The following GRIK3 variants were observed in gnomAD, a reference collection of about 807,000 sequenced individuals.
GRIK3 encodes glutamate ionotropic receptor kainate type subunit 3, also known as glutamate receptor ionotropic, kainate 3.
In GRIK3, 29 loss-of-function variants were observed where a neutral mutation model predicts 102.5. That is an observed-to-expected ratio of 0.28 (90% confidence interval 0.21 to 0.39). The LOEUF is 0.39. Among genes scored for constraint, GRIK3 ranks in the 10% least tolerant of loss-of-function variants. GRIK3 has a pLI of 1.00. For synonymous variants in GRIK3, 511 were observed against 504.9 expected, an observed-to-expected ratio of 1.01 and a Z score of -0.16; for missense variants, 908 against 1,252.4, an observed-to-expected ratio of 0.73 and a Z score of 4.15.
chr1:37,004,684 G>T (rs961763542), intron 1 of GRIK3, among the ~76,000 whole-genome samples: 1 of 152,240 alleles, frequency 6.6e-6, no homozygotes, highest in African/African-American at 2.4e-5. Flanking sequence ...GTTTGCGTAT[G>T]TGTGTCCTCA....
chr1:36,842,798 A>T (rs1007809487), intron 9 of GRIK3, among the ~76,000 whole-genome samples: 1 of 152,174 alleles, frequency 6.6e-6, no homozygotes, highest in East Asian at 1.9e-4. Flanking sequence ...GCAGAAAGTG[A>T]AGTTCATGAG....
intron 1 of GRIK3, among the ~76,000 whole-genome samples, chr1:36,903,371 A>G (rs1311249198): frequency 6.6e-6 from 1 of 152,258 alleles, no homozygotes; most frequent in African/African-American, 2.4e-5. Context: ...ACTGCTGGTG[A>G]GAATGCAAAA....
chr1:36,854,168 A>T (rs1570761429), intron 7 of GRIK3, among the ~76,000 whole-genome samples: 1 of 151,856 alleles, frequency 6.6e-6, no homozygotes, highest in Non-Finnish European at 1.5e-5. Context: ...GACCGAAATC[A>T]CCCCCCAACC....
intron 1 of GRIK3, among the ~76,000 whole-genome samples, chr1:36,900,039 A>G (rs764041204): frequency 8.5e-5 from 13 of 152,360 alleles, no homozygotes; most frequent in Non-Finnish European, 1.9e-4. Context: ...CAACAGCCTC[A>G]GTGAATCAGA....
At chr1:36,994,999 G>A (rs1447649896) in intron 1 of GRIK3, among the ~76,000 whole-genome samples, 2 of 152,096 alleles carry the variant, frequency 1.3e-5, no homozygotes, top group African/African-American at 2.4e-5. Context: ...CACATGAGAC[G>A]GACAGACGCT....
At position 37,012,016 on chromosome 1, in the gene GRIK3, G is replaced by T. The variant is rs1218202485; in HGVS notation, c.115+21978C>A. 2.6e-5 allele frequency among the ~76,000 whole-genome samples: 4 copies of T among 152,188 alleles called. No individual in the cohort carries two copies. In the East Asian group the frequency reaches 7.7e-4, roughly 29 times the overall value. On this transcript the variant is annotated intron_variant, in intron 1 of 15. Transcript: ENST00000373091. The stretch of plus-strand genomic sequence containing the variant: ...AATAATCTCTGTCTATGGCCCCAGA[G>T]ATCTCCAAGTCCTGTCTGGGCAGGT...
intron 1 of GRIK3, among the ~76,000 whole-genome samples, chr1:36,908,898 G>C (rs1641314914): frequency 6.6e-6 from 1 of 152,070 alleles, no homozygotes; most frequent in East Asian, 1.9e-4. Flanking sequence ...AAAACCTTGT[G>C]TGGAAGCCCA....
intron 1 of GRIK3, among the ~76,000 whole-genome samples, chr1:36,913,874 C>T (rs1641372574): frequency 6.6e-6 from 1 of 152,222 alleles, no homozygotes; most frequent in Non-Finnish European, 1.5e-5. Context: ...CTACCTTCCT[C>T]TCCCAAATCC....
At position 36,795,969 on chromosome 1, in the gene GRIK3, G is replaced by C. The variant is rs1410686936; in HGVS notation, c.*5882C>G. The C allele has an allele frequency of 6.6e-6, 1 of 152,372 alleles. No individual in the cohort carries two copies. The highest frequency in any genetic ancestry group is 1.9e-4 in the East Asian group (1 of 5,184). The allele number at this position is 152,372 out of a possible 1,614,324, so 9.4% of individuals were successfully genotyped here. On this transcript the variant is annotated 3_prime_UTR_variant, in exon 16 of 16. Transcript: ENST00000373091. The stretch of plus-strand genomic sequence containing the variant: ...AGTCGGCCCAGGCAGAGGTGGGCTG[G>C]GGGCTTGGCGCACAGTGGTAAGAGG...
chr1:36,877,921 C>T (rs1236557761), intron 3 of GRIK3, among the ~76,000 whole-genome samples: 1 of 152,210 alleles, frequency 6.6e-6, no homozygotes, highest in African/African-American at 2.4e-5. Context: ...TATGTGTGAC[C>T]TCTGGGCAGG....
At chr1:36,874,260 G>A (rs971908862) in intron 3 of GRIK3, among the ~76,000 whole-genome samples, 13 of 152,194 alleles carry the variant, frequency 8.5e-5, no homozygotes, top group Admixed American at 8.5e-4. Context: ...CTGAGGGCTG[G>A]ACATCAGGAA....
intron 1 of GRIK3, among the ~76,000 whole-genome samples, chr1:36,944,162 C>T (rs1641757426): frequency 6.6e-6 from 1 of 152,160 alleles, no homozygotes; most frequent in Non-Finnish European, 1.5e-5. Flanking sequence ...TCTTATAAAT[C>T]CTATTCCCCA....
intron 5 of GRIK3, among the ~76,000 whole-genome samples, chr1:36,866,841 A>G (rs932288628): frequency 1.3e-5 from 2 of 152,246 alleles, no homozygotes; most frequent in East Asian, 3.8e-4. Context: ...GCAGTCATCC[A>G]TCCGTCCATC....
At chr1:36,841,671 G>T in intron 10 of GRIK3, 65 bp downstream of exon 10, 1 of 1,366,014 alleles carries the variant, frequency 7.3e-7, no homozygotes, top group Non-Finnish European at 1.0e-6. Flanking sequence ...GCCCTGTGGT[G>T]CAGACAGTTC....
intron 1 of GRIK3, among the ~76,000 whole-genome samples, chr1:36,949,874 T>C (rs1641825974): frequency 1.3e-5 from 2 of 152,108 alleles, no homozygotes; most frequent in Admixed American, 6.5e-5. Context: ...CCACCACGCC[T>C]GGCCCTAATT....
At chr1:37,026,467 A>G (rs1642765071) in intron 1 of GRIK3, among the ~76,000 whole-genome samples, 1 of 152,246 alleles carries the variant, frequency 6.6e-6, no homozygotes. Context: ...AGACAGCCTC[A>G]GAGCTCAGAG....
At chr1:37,030,888 G>A (rs549456595) in intron 1 of GRIK3, among the ~76,000 whole-genome samples, 6 of 152,146 alleles carry the variant, frequency 3.9e-5, no homozygotes, top group Non-Finnish European at 8.8e-5. Flanking sequence ...TGAGGCCTGG[G>A]GTGCCAGGGA....
intron 4 of GRIK3, among the ~76,000 whole-genome samples, chr1:36,870,863 C>T (rs1271165253): frequency 2.8e-5 from 4 of 141,164 alleles, no homozygotes; most frequent in Admixed American, 7.8e-5. Flanking sequence ...GGGCAACTGC[C>T]GAGTAAACCA....
chr1:36,991,696 T>C (rs966493587), intron 1 of GRIK3, among the ~76,000 whole-genome samples: 1 of 152,248 alleles, frequency 6.6e-6, no homozygotes, highest in African/African-American at 2.4e-5. Context: ...CCAAGATCCC[T>C]GAGGGCTGTA....
Sources: allele counts gnomAD v4.1 joint callset (sites outside exome capture counted in the v4.1 genomes callset), GRCh38; gene constraint gnomAD v4.1.1; transcripts MANE v1.5; gene names NCBI Gene and HGNC (gene_info 2026-07-23, HGNC 2026-07-21).